GRIA4: variants seen among roughly 807,000 people sequenced by gnomAD.
The protein encoded by GRIA4 is glutamate receptor 4.
Under a neutral mutation model 104.0 loss-of-function variants are expected in GRIA4, and 34 were observed. The observed-to-expected ratio is 0.33, with a 90% confidence interval of 0.25 to 0.44. The LOEUF is 0.44. Ranked by LOEUF, GRIA4 falls within the 20% of genes least tolerant of loss-of-function variation. GRIA4 has a pLI of 1.00. For synonymous variants in GRIA4, 386 were observed against 381.9 expected (o/e 1.01, Z -0.13); for missense variants, 750 against 1,096.5 (o/e 0.68, Z 4.46).
chr11:105,715,316 T>G (rs1295060800), intron 3 of GRIA4, among the ~76,000 whole-genome samples: 1 of 152,194 alleles, frequency 6.6e-6, no homozygotes, highest in Admixed American at 6.6e-5. Context: ...TATTAAGTCT[T>G]ATGTTTGAAA....
intron 8 of GRIA4, among the ~76,000 whole-genome samples, chr11:105,904,978 A>G (rs1946990800): frequency 6.6e-6 from 1 of 152,204 alleles, no homozygotes; most frequent in African/African-American, 2.4e-5. Flanking sequence ...CAAATAAAAC[A>G]TATTCCTCTT....
intron 3 of GRIA4, among the ~76,000 whole-genome samples, chr11:105,636,025 A>T (rs149787456): frequency 5.9e-5 from 9 of 152,294 alleles, no homozygotes; most frequent in Middle Eastern, 3.4e-3. Context: ...GTTTCCATGC[A>T]TGTGTGCTGG....
chr11:105,941,875 C>T (rs1293272871), intron 14 of GRIA4, among the ~76,000 whole-genome samples: 2 of 151,962 alleles, frequency 1.3e-5, no homozygotes, highest in African/African-American at 2.4e-5. Flanking sequence ...GATAGATAAG[C>T]GGCCTCTGAA....
rs1209826398 is a variant in GRIA4 at position 105,642,898 on chromosome 11, T to C, written c.247+30464T>C. Among the ~76,000 whole-genome samples the C allele has an allele frequency of 5.9e-5, 9 of 152,254 alleles. No individual in the cohort carries two copies. The East Asian group carries it at 1.7e-3, about 29-fold the overall frequency. The stretch of plus-strand genomic sequence containing the variant: ...AGAGACTGAGTAATTTATAAAGGAA[T>C]GGTTTAATTGACTCACAGTTCAACA... On this transcript the variant is annotated intron_variant, in intron 3 of 16. Transcript: ENST00000282499.
At chr11:105,812,893 A>G (rs1943232334) in intron 4 of GRIA4, among the ~76,000 whole-genome samples, 1 of 152,076 alleles carries the variant, frequency 6.6e-6, no homozygotes, top group Admixed American at 6.6e-5. Flanking sequence ...CGAGGTCAGG[A>G]GATCGAGACC....
At chr11:105,897,522 C>G (rs967277973) in intron 6 of GRIA4, among the ~76,000 whole-genome samples, 1 of 152,026 alleles carries the variant, frequency 6.6e-6, no homozygotes, top group African/African-American at 2.4e-5. Context: ...TTTGCCCAGT[C>G]AGTATGATGT....
intron 3 of GRIA4, among the ~76,000 whole-genome samples, chr11:105,627,926 T>G (rs1208624420): frequency 6.6e-6 from 1 of 152,234 alleles, no homozygotes; most frequent in African/African-American, 2.4e-5. Context: ...AGGTTAATTA[T>G]TTAATTTAGT....
At chr11:105,703,206 G>A (rs940217910) in intron 3 of GRIA4, among the ~76,000 whole-genome samples, 5 of 152,082 alleles carry the variant, frequency 3.3e-5, no homozygotes, top group African/African-American at 9.7e-5. Context: ...AAACAAAAAC[G>A]AGTTCATTCT....
At chr11:105,683,066 T>C (rs933082081) in intron 3 of GRIA4, among the ~76,000 whole-genome samples, 5 of 152,130 alleles carry the variant, frequency 3.3e-5, no homozygotes, top group African/African-American at 1.2e-4. Flanking sequence ...TTTTCTAGTC[T>C]TAGAACTCTA....
chr11:105,693,340 GA>G (rs1391148708), intron 3 of GRIA4, among the ~76,000 whole-genome samples: 1 of 152,142 alleles, frequency 6.6e-6, no homozygotes, highest in Non-Finnish European at 1.5e-5. Context: ...CAAGAGGAAA[GA>G]AAAACTTGTA....
intron 3 of GRIA4, among the ~76,000 whole-genome samples, chr11:105,637,886 C>T (rs951512080): frequency 8.5e-5 from 13 of 152,176 alleles, no homozygotes; most frequent in African/African-American, 2.6e-4. Context: ...GGCTTATCAC[C>T]GATGAAAAAC....
rs370447627 is a variant in GRIA4, at chr11:105,837,951, C to T, written c.488-24073C>T. On this transcript the variant is annotated intron_variant, in intron 4 of 16. Coordinates refer to ENST00000282499, the MANE Select transcript of GRIA4 (RefSeq NM_000829.4). ...TCCTAATGGGACGAAAGAGATAACA[C>T]CCACTCTGCTCCTCTTATTTGAAGA... Among the ~76,000 whole-genome samples, 5 of 152,190 alleles carry T rather than the reference C, an allele frequency of 3.3e-5. No individual in the cohort carries two copies. The East Asian group carries it at 7.7e-4, about 24-fold the overall frequency.
At chr11:105,614,882 A>C (rs1950562175) in intron 3 of GRIA4, among the ~76,000 whole-genome samples, 1 of 152,002 alleles carries the variant, frequency 6.6e-6, no homozygotes, top group Non-Finnish European at 1.5e-5. Context: ...AAACGTAAGC[A>C]GTAAATATAA....
chr11:105,808,082 T>G (rs945929135), intron 4 of GRIA4, among the ~76,000 whole-genome samples: 1 of 151,980 alleles, frequency 6.6e-6, no homozygotes, highest in South Asian at 2.1e-4. Context: ...AAGAGATAGA[T>G]CCTACTCTGC....
chr11:105,741,073 G>A (rs993645428), intron 3 of GRIA4, among the ~76,000 whole-genome samples: 4 of 152,150 alleles, frequency 2.6e-5, no homozygotes, highest in African/African-American at 7.2e-5. Flanking sequence ...AAATGGCAGC[G>A]TAATGGAGAC....
chr11:105,678,600 G>T (rs185992723), intron 3 of GRIA4, among the ~76,000 whole-genome samples: 1 of 152,006 alleles, frequency 6.6e-6, no homozygotes, highest in East Asian at 1.9e-4. Context: ...CCATGAATAG[G>T]TTCTATGTCT....
intron 3 of GRIA4, among the ~76,000 whole-genome samples, chr11:105,734,224 C>T (rs893595562): frequency 6.6e-6 from 1 of 151,856 alleles, no homozygotes; most frequent in African/African-American, 2.4e-5. Context: ...CCACAGTTTA[C>T]TCCACCTTGG....
intron 4 of GRIA4, among the ~76,000 whole-genome samples, chr11:105,790,540 G>A (rs1266427458): frequency 2.0e-5 from 3 of 152,108 alleles, no homozygotes; most frequent in East Asian, 3.9e-4. Flanking sequence ...TGGCAAGCAC[G>A]GAGAATTAAT....
intron 4 of GRIA4, chr11:105,842,666 C>T (rs1264636738): frequency 6.6e-6 from 1 of 152,168 alleles, no homozygotes; most frequent in African/African-American, 2.4e-5. Context: ...TCATGAGTCT[C>T]AGCCCACACA....
Sources: gnomAD v4.1 joint callset for allele counts (sites outside exome capture counted in the v4.1 genomes callset) on GRCh38, gnomAD v4.1.1 for gene constraint, MANE v1.5 for transcripts, NCBI Gene and HGNC (gene_info 2026-07-23, HGNC 2026-07-21) for gene names.